Variants in TRARG1 observed in about 807,000 individuals in gnomAD.
The protein encoded by TRARG1 is trafficking regulator of GLUT4 1.
A neutral mutation model predicts 13.3 loss-of-function variants in TRARG1; 16 were observed. That is an observed-to-expected ratio of 1.20 (90% CI 0.81 to 1.83). TRARG1 has a LOEUF of 1.83. Among genes scored for constraint, TRARG1 ranks in the 40% most tolerant of loss-of-function variants. The probability of loss-of-function intolerance (pLI) is 0.00; values close to 1 mark genes in which losing one functional copy is unlikely to be tolerated. For synonymous variants in TRARG1, 113 were observed against 106.2 expected, an observed-to-expected ratio of 1.06 and a Z score of -0.39; for missense variants, 250 against 237.4, an observed-to-expected ratio of 1.05 and a Z score of -0.35.
intron 1 of TRARG1, among the ~76,000 whole-genome samples, chr17:1,289,520 T>A (rs1168182416): frequency 6.7e-6 from 1 of 149,310 alleles, no homozygotes; most frequent in Non-Finnish European, 1.5e-5. Flanking sequence ...CCATATTTCA[T>A]CCTTATCTTG....
At chr17:1,283,819 A>T (rs2072000665) in intron 1 of TRARG1, among the ~76,000 whole-genome samples, 1 of 150,712 alleles carries the variant, frequency 6.6e-6, no homozygotes, top group African/African-American at 2.4e-5. Context: ...AAAAAAAATA[A>T]AATAAAATAA....
Position 1,279,848 on chromosome 17 carries a change from C to A in TRARG1, c.-154C>A. On this transcript the variant is annotated 5_prime_UTR_variant, in exon 1 of 3. Transcript: ENST00000333813. The stretch of plus-strand genomic sequence containing the variant: ...AGCTGGCTTGAGAAGCTCAGCCCAA[C>A]CCTTCCAGCACCCAGCCGGCCCTCC... The A allele has an allele frequency of 1.2e-6, 1 of 865,944 alleles. No homozygotes were observed. Among genetic ancestry groups the A allele is most frequent in the Non-Finnish European group, 1.7e-6 (1 of 588,134 alleles). The allele number at this position is 865,944 out of a possible 1,614,324, so 53.6% of individuals were successfully genotyped here. A position where few individuals can be genotyped will look rare whatever the true frequency, so the allele number is the denominator to read the frequency against.
intron 1 of TRARG1, among the ~76,000 whole-genome samples, chr17:1,282,076 A>ACACATATATG (rs1422766330): frequency 6.6e-6 from 1 of 151,018 alleles, no homozygotes; most frequent in Admixed American, 6.6e-5. Flanking sequence ...ACACATATAT[A>ACACATATATG]CATATATGTA....
At chr17:1,297,852 G>C (rs145491266) in intron 2 of TRARG1, among the ~76,000 whole-genome samples, 240 of 152,188 alleles carry the variant, frequency 1.6e-3, no homozygotes, top group African/African-American at 5.6e-3. Context: ...TGATCTGCCC[G>C]CCTCTGCCTC....
chr17:1,279,794 G>A lies in TRARG1; in HGVS notation c.-208G>A. 3.8e-6 allele frequency: 2 copies of A among 527,506 alleles called. No individual in the cohort carries two copies. The highest frequency in any genetic ancestry group is 3.4e-5 in the Admixed American group (1 of 29,126). The allele number at this position is 527,506 out of a possible 1,614,324, so 32.7% of individuals were successfully genotyped here. On this transcript the variant is annotated 5_prime_UTR_variant, in exon 1 of 3. Coordinates refer to ENST00000333813, the MANE Select transcript of TRARG1 (RefSeq NM_172367.3). ...GCGTCTTTCTGGGAGCTCCGCGGGG[G>A]CAGCAGGCAGGCCCCAGCCTCTGAA...
intron 1 of TRARG1, among the ~76,000 whole-genome samples, chr17:1,285,469 G>A (rs1196064111): frequency 6.7e-6 from 1 of 150,280 alleles, no homozygotes; most frequent in Non-Finnish European, 1.5e-5. Context: ...CACTTTGAGA[G>A]GCCAAGGCGG....
At chr17:1,289,280 C>T (rs1245589364) in intron 1 of TRARG1, among the ~76,000 whole-genome samples, 1 of 19,922 alleles carries the variant, frequency 5.0e-5, no homozygotes, top group Non-Finnish European at 1.0e-4. Flanking sequence ...CACCGGGTTC[C>T]TCATCCCCCA....
At chr17:1,285,733 G>A (rs1315095504) in intron 1 of TRARG1, among the ~76,000 whole-genome samples, 1 of 151,810 alleles carries the variant, frequency 6.6e-6, no homozygotes, top group East Asian at 1.9e-4. Context: ...GGGAAGGGAA[G>A]GGAAGGGTAA....
chr17:1,282,739 G>A lies in TRARG1; in HGVS notation c.387+2351G>A, dbSNP rs149442575. Among the ~76,000 whole-genome samples the A allele has an allele frequency of 8.2e-3, 1,244 of 152,064 alleles. 8 individuals are homozygous for A. Among genetic ancestry groups the A allele is most frequent in the Admixed American group, 0.014 (219 of 15,256 alleles). ...GAGCCTCGCTCTGTCGCCCAGGCTG[G>A]AGTGCAATGGTGCGATCTTGGCTCA... On this transcript the variant is annotated intron_variant, in intron 1 of 2. Coordinates refer to ENST00000333813, the MANE Select transcript of TRARG1 (RefSeq NM_172367.3).
chr17:1,294,691 C>A lies in TRARG1; in HGVS notation c.388-800C>A, dbSNP rs1598194926. 3.8e-5 allele frequency among the ~76,000 whole-genome samples: 5 copies of A among 130,362 alleles called. No individual in the cohort carries two copies. In the Admixed American group the frequency reaches 3.9e-4, roughly 10 times the overall value. 85.5% of individuals were successfully genotyped at this position (130,362 alleles called of 152,430 possible). On this transcript the variant is annotated intron_variant, in intron 1 of 2. Coordinates refer to ENST00000333813, the MANE Select transcript of TRARG1 (RefSeq NM_172367.3). ...GTATTGGCCAAACTGGTCTCAAACT[C>A]TTTTTTTTTTTTTTGAGACGGAGTC... is the stretch of plus-strand genomic sequence containing the variant.
intron 1 of TRARG1, among the ~76,000 whole-genome samples, chr17:1,284,425 G>A (rs922605874): frequency 2.0e-5 from 3 of 152,188 alleles, no homozygotes; most frequent in Non-Finnish European, 4.4e-5. Flanking sequence ...TCAGTCTGGG[G>A]CAGGGTGAGA....
chr17:1,288,136 T>G (rs1189464824), intron 1 of TRARG1, among the ~76,000 whole-genome samples: 1 of 151,798 alleles, frequency 6.6e-6, no homozygotes, highest in Non-Finnish European at 1.5e-5. Flanking sequence ...AGAAACCCCT[T>G]TTATCCACCC....
chr17:1,287,294 A>G (rs1420660295), intron 1 of TRARG1, among the ~76,000 whole-genome samples: 1 of 152,074 alleles, frequency 6.6e-6, no homozygotes, highest in Non-Finnish European at 1.5e-5. Flanking sequence ...ACTAATACTC[A>G]CTGAGTACCT....
chr17:1,284,054 A>G (rs1336080198), intron 1 of TRARG1, among the ~76,000 whole-genome samples: 3 of 151,726 alleles, frequency 2.0e-5, no homozygotes, highest in Admixed American at 6.6e-5. Context: ...GGCGGAGCTT[A>G]CAGTGAGCTG....
chr17:1,298,398 G>A lies in TRARG1; in HGVS notation c.*134G>A. The A allele has an allele frequency of 1.1e-6, 1 of 948,196 alleles. No individual in the cohort carries two copies. The allele number at this position is 948,196 out of a possible 1,614,324, so 58.7% of individuals were successfully genotyped here. A position where few individuals can be genotyped will look rare whatever the true frequency, so the allele number is the denominator to read the frequency against. ...CAAGTTCCAAAAGCACAGACTCAAA[G>A]GGAAACCCCCCAGTCACCCACTGTC... On this transcript the variant is annotated 3_prime_UTR_variant, in exon 3 of 3. Coordinates refer to ENST00000333813, the MANE Select transcript of TRARG1 (RefSeq NM_172367.3).
At chr17:1,282,176 A>G (rs2071982201) in intron 1 of TRARG1, among the ~76,000 whole-genome samples, 1 of 144,078 alleles carries the variant, frequency 6.9e-6, no homozygotes, top group Non-Finnish European at 1.5e-5. Flanking sequence ...GTACGTATAC[A>G]CGTGCGTATA....
chr17:1,282,277 T>TATATGTAC (rs2071986892), intron 1 of TRARG1, among the ~76,000 whole-genome samples: 1 of 144,050 alleles, frequency 6.9e-6, no homozygotes, highest in Non-Finnish European at 1.5e-5. Flanking sequence ...TATATGCACG[T>TATATGTAC]ATATGTACAT....
rs561477225 is a variant in TRARG1, at chr17:1,298,790, C to G, written c.*526C>G. Reference sequence around the variant, plus strand: ...CGGTGATCCCAGCCAGGGCCCCGAGCGCAGAGGCGGAGCTGTGCTCAGCAC... The same window carrying G: ...CGGTGATCCCAGCCAGGGCCCCGAGGGCAGAGGCGGAGCTGTGCTCAGCAC... On this transcript the variant is annotated 3_prime_UTR_variant, in exon 3 of 3. Coordinates refer to ENST00000333813, the MANE Select transcript of TRARG1 (RefSeq NM_172367.3). The G allele has an allele frequency of 6.5e-6, 1 of 154,604 alleles. No individual in the cohort carries two copies. Among genetic ancestry groups the G allele is most frequent in the Admixed American group, 6.4e-5 (1 of 15,542 alleles). The allele number at this position is 154,604 out of a possible 1,614,324, so 9.6% of individuals were successfully genotyped here. A position where few individuals can be genotyped will look rare whatever the true frequency, so the allele number is the denominator to read the frequency against.
In TRARG1 at chr17:1,280,010, C is replaced by T. The variant is rs1451255348; in HGVS notation, c.9C>T (p.His3=). The change falls in exon 1 of 3, where the codon CAC becomes CAT. Residue 3 remains histidine (H), a synonymous_variant. Transcript: ENST00000333813. ...GCAAGGCCCAGGCCCCCATGGCCCACCCGGTGCAGTCCGAGTTTCCTTCAG... is the reference window on the plus strand; with the variant it reads ...GCAAGGCCCAGGCCCCCATGGCCCATCCGGTGCAGTCCGAGTTTCCTTCAG... MA[H]PVQSEFPSAQ... The T allele has an allele frequency of 3.1e-6, 5 of 1,611,404 alleles. No individual in the cohort carries two copies. The highest frequency in any genetic ancestry group is 1.3e-5 in the African/African-American group (1 of 74,924).
Sources: allele counts gnomAD v4.1 joint callset (sites outside exome capture counted in the v4.1 genomes callset), GRCh38; gene constraint gnomAD v4.1.1; transcripts MANE v1.5; gene names NCBI Gene and HGNC (gene_info 2026-07-23, HGNC 2026-07-21).